The following AGK variants were observed in gnomAD, a reference collection of about 807,000 sequenced individuals.
AGK encodes acylglycerol kinase, mitochondrial.
Under a neutral mutation model 66.4 loss-of-function variants are expected in AGK, and 52 were observed. The ratio of observed to expected loss-of-function variants is 0.78; its 90% CI spans 0.63 to 0.99. AGK has a LOEUF of 0.99. AGK is among the 50% of genes least tolerant of loss of function. The pLI is 0.00. For synonymous variants in AGK, 182 were observed against 181.1 expected, an observed-to-expected ratio of 1.00 and a Z score of -0.04; for missense variants, 451 against 506.6, an observed-to-expected ratio of 0.89 and a Z score of 1.05.
intron 9 of AGK, among the ~76,000 whole-genome samples, chr7:141,624,242 A>C (rs1348363297): frequency 6.6e-6 from 1 of 152,166 alleles, no homozygotes; most frequent in South Asian, 2.1e-4. Context: ...ATTATTTAAT[A>C]AATAAATTGT....
intron 2 of AGK, among the ~76,000 whole-genome samples, chr7:141,556,007 T>C (rs1450190208): frequency 1.3e-5 from 2 of 152,182 alleles, no homozygotes; most frequent in African/African-American, 4.8e-5. Flanking sequence ...TGAGCGCAGC[T>C]TGGTTTTATA....
intron 2 of AGK, among the ~76,000 whole-genome samples, chr7:141,591,218 G>A (rs545215846): frequency 6.7e-6 from 1 of 149,372 alleles, no homozygotes; most frequent in Non-Finnish European, 1.5e-5. Context: ...TCAGCCTCCC[G>A]AGTAGTTGGG....
chr7:141,585,262 T>C (rs1366057385), intron 2 of AGK, among the ~76,000 whole-genome samples: 1 of 152,190 alleles, frequency 6.6e-6, no homozygotes, highest in Non-Finnish European at 1.5e-5. Context: ...CTGGTCACTA[T>C]TTTCCCATTA....
In AGK at chr7:141,555,473, G is replaced by A. The variant is rs10262855; in HGVS notation, c.7G>A (p.Val3Met). 1.9e-6 allele frequency: 3 copies of A among 1,613,362 alleles called. No homozygotes were observed. The highest frequency in any genetic ancestry group is 2.5e-6 in the Non-Finnish European group (3 of 1,179,520). Residue 3 changes from valine to methionine, a missense_variant, in exon 2 of 16, where the codon GTG becomes ATG. Transcript: ENST00000649286. The surrounding 1 kb of genome is among the most constrained non-coding windows in gnomAD (Gnocchi z 4.2). ...CCTAGCAAATCTCTAGAAGATGACG[G>A]TGTTCTTTAAAACGCTTCGAAATCA... MT[V>M]FFKTLRNHWK...
chr7:141,570,699 T>G (rs1242631699), intron 2 of AGK, among the ~76,000 whole-genome samples: 1 of 151,866 alleles, frequency 6.6e-6, no homozygotes, highest in African/African-American at 2.4e-5. Flanking sequence ...CCATAAATAT[T>G]GCAGTACCTT....
intron 2 of AGK, among the ~76,000 whole-genome samples, chr7:141,577,836 T>G (rs1171953168): frequency 6.7e-6 from 1 of 149,836 alleles, no homozygotes; most frequent in Non-Finnish European, 1.5e-5. Context: ...TTTTTTTTTT[T>G]GAAACAGAGC....
chr7:141,621,798 C>A lies in AGK; in HGVS notation c.585C>A (p.Ile195=), dbSNP rs1185260310. ...CAGTTCCACTTGATGTCTTGCAGAT[C>A]AAGGTAAATCTTTTCATCACATATT... ...GETVPLDVLQ[I]KGEKEQPVFA... is the part of the protein sequence containing the mutation. The change falls in exon 9 of 16, where the codon ATC becomes ATA. Residue 195 remains isoleucine, a synonymous_variant. Coordinates refer to ENST00000649286, the MANE Select transcript of AGK (RefSeq NM_018238.4). 1 of 1,610,542 alleles carries A rather than the reference C, an allele frequency of 6.2e-7. No homozygotes were observed. The highest frequency in any genetic ancestry group is 1.1e-5 in the South Asian group (1 of 90,758).
At chr7:141,642,828 G>A (rs1797319814) in intron 13 of AGK, among the ~76,000 whole-genome samples, 1 of 152,138 alleles carries the variant, frequency 6.6e-6, no homozygotes, top group Admixed American at 6.5e-5. Context: ...GTGCTACAGG[G>A]GAGAGCTGAG....
Position 141,615,468 on chromosome 7 carries a change from C to T in AGK, c.424-3C>T, listed in dbSNP as rs766413410. Reference sequence around the variant, plus strand: ...AAAACTTTCCTCTTCTTTCCCCCCCCAGGCTACCTTCAGTAAGATTCCCAT... The same window carrying T: ...AAAACTTTCCTCTTCTTTCCCCCCCTAGGCTACCTTCAGTAAGATTCCCAT... On this transcript the variant is annotated splice_polypyrimidine_tract_variant and splice_region_variant and intron_variant, in intron 7 of 15. Transcript: ENST00000649286. 68 of 1,612,468 alleles carry T rather than the reference C, an allele frequency of 4.2e-5. No homozygotes were observed. The highest frequency in any genetic ancestry group is 1.6e-4 in the Middle Eastern group (1 of 6,078).
chr7:141,648,382 T>C (rs1797468668), intron 13 of AGK, among the ~76,000 whole-genome samples: 1 of 152,228 alleles, frequency 6.6e-6, no homozygotes, highest in South Asian at 2.1e-4. Flanking sequence ...GGTGCATGAC[T>C]GGCACTCAGT....
At chr7:141,650,906 TACTC>T (rs1304876608) in intron 14 of AGK, among the ~76,000 whole-genome samples, 1 of 152,188 alleles carries the variant, frequency 6.6e-6, no homozygotes, top group African/African-American at 2.4e-5. Flanking sequence ...TTACTTATAA[TACTC>T]AATATAATGT....
chr7:141,635,503 C>T (rs1001628384), intron 10 of AGK, among the ~76,000 whole-genome samples: 3 of 152,144 alleles, frequency 2.0e-5, no homozygotes, highest in African/African-American at 7.2e-5. Flanking sequence ...TCAAGGGCCT[C>T]ATTAGTAGTA....
chr7:141,608,757 CAT>C (rs1183753244), intron 5 of AGK, among the ~76,000 whole-genome samples: 1 of 152,158 alleles, frequency 6.6e-6, no homozygotes, highest in Non-Finnish European at 1.5e-5. Context: ...GTTGTTTCCA[CAT>C]GTCTTCACCT....
chr7:141,621,283 C>T (rs952020853), intron 8 of AGK, among the ~76,000 whole-genome samples: 1 of 152,164 alleles, frequency 6.6e-6, no homozygotes, highest in Non-Finnish European at 1.5e-5. Context: ...AGAAATATGT[C>T]TCAGGTTCTG....
intron 14 of AGK, 112 bp from the exon 15 acceptor site, chr7:141,651,413 C>A: frequency 1.2e-6 from 1 of 811,488 alleles, no homozygotes; most frequent in Non-Finnish European, 2.1e-6. Flanking sequence ...CTTAATAGAC[C>A]ATCTGTCCAC....
In AGK at chr7:141,569,836, G is replaced by A. The variant is rs540613534; in HGVS notation, c.101+14269G>A. ...GCCACTGTGTCTTAGGAGCGTGAGA[G>A]AGATGAAGAACTGTAAGCTGAGATT... is the stretch of plus-strand genomic sequence containing the variant. On this transcript the variant is annotated intron_variant, in intron 2 of 15. Coordinates refer to ENST00000649286, the MANE Select transcript of AGK (RefSeq NM_018238.4). 5.3e-5 allele frequency among the ~76,000 whole-genome samples: 8 copies of A among 152,254 alleles called. No homozygotes were observed. The South Asian group carries it at 1.7e-3, about 32-fold the overall frequency.
intron 2 of AGK, among the ~76,000 whole-genome samples, chr7:141,579,446 A>G (rs373985715): frequency 2.6e-5 from 4 of 151,652 alleles, no homozygotes; most frequent in East Asian, 1.9e-4. Flanking sequence ...ACAGAAGGGA[A>G]GAAATGATCG....
chr7:141,570,416 A>G (rs972656991), intron 2 of AGK, among the ~76,000 whole-genome samples: 8 of 152,208 alleles, frequency 5.3e-5, no homozygotes, highest in Non-Finnish European at 7.3e-5. Context: ...TTAGAGATGT[A>G]TAAGGCACTA....
At position 141,653,089 on chromosome 7, in the gene AGK, C is replaced by A; in HGVS notation, c.*165C>A. 1.4e-6 allele frequency: 1 copy of A among 720,976 alleles called. No homozygotes were observed. The highest frequency in any genetic ancestry group is 2.2e-6 in the Non-Finnish European group (1 of 451,154). The allele number at this position is 720,976 out of a possible 1,614,324, so 44.7% of individuals were successfully genotyped here. A position where few individuals can be genotyped will look rare whatever the true frequency, so the allele number is the denominator to read the frequency against. On this transcript the variant is annotated 3_prime_UTR_variant, in exon 16 of 16. Coordinates refer to ENST00000649286, the MANE Select transcript of AGK (RefSeq NM_018238.4). ...CCAGCAGTGCTTCCCAAAGTGTGCT[C>A]TGTCACCTGCTTTGCAATCGGCTTC...
Sources: gnomAD v4.1 joint callset for allele counts (sites outside exome capture counted in the v4.1 genomes callset) on GRCh38, gnomAD v4.1.1 for gene constraint, Gnocchi (gnomAD v3.1) non-coding constraint, MANE v1.5 for transcripts, NCBI Gene and HGNC (gene_info 2026-07-23, HGNC 2026-07-21) for gene names.